Variants in MRPS27 observed in about 807,000 individuals in gnomAD.
The protein encoded by MRPS27 is small ribosomal subunit protein mS27.
In MRPS27, 43 loss-of-function variants were observed where a neutral mutation model predicts 48.9. The ratio of observed to expected loss-of-function variants is 0.88; its 90% confidence interval spans 0.69 to 1.13. The LOEUF (loss-of-function observed/expected upper bound fraction) is 1.13, where lower values mean the gene tolerates loss of function less well. Among genes scored for constraint, MRPS27 ranks in the 50% most tolerant of loss-of-function variants. The probability of loss-of-function intolerance (pLI) is 0.00; values close to 1 mark genes in which losing one functional copy is unlikely to be tolerated. For synonymous variants in MRPS27, 188 were observed against 171.9 expected, an observed-to-expected ratio of 1.09 and a Z score of -0.73; for missense variants, 467 against 476.3, an observed-to-expected ratio of 0.98 and a Z score of 0.18.
intron 9 of MRPS27, among the ~76,000 whole-genome samples, chr5:72,225,640 C>T (rs1051102243): frequency 2.2e-4 from 33 of 152,174 alleles, no homozygotes; most frequent in African/African-American, 7.5e-4. Flanking sequence ...TAAGATGGTT[C>T]CATCTCTGGT....
At chr5:72,320,076 C>T (rs567727109) in intron 1 of MRPS27, 73 bp downstream of exon 1, 2 of 1,502,738 alleles carry the variant, frequency 1.3e-6, no homozygotes, top group Admixed American at 1.7e-5. Flanking sequence ...GTTTCCTCTC[C>T]TCTTGAAAGC....
chr5:72,241,673 T>G, intron 4 of MRPS27: 1 of 1,535,546 alleles, frequency 6.5e-7, no homozygotes, highest in Non-Finnish European at 8.7e-7. Context: ...GATTGCTGGA[T>G]GAGCATTCTC....
Position 72,284,247 on chromosome 5 carries a change from T to TAA in MRPS27, c.281+11282_281+11283dup, listed in dbSNP as rs1167998721. On this transcript the variant is annotated intron_variant, in intron 4 of 10. Coordinates refer to ENST00000261413, the MANE Select transcript of MRPS27 (RefSeq NM_015084.3). ...GGGCAACATTGTGAGACCCCATCTC[T>TAA]AAAAAAAAAAAAAAAAACACCACCA... is the stretch of plus-strand genomic sequence containing the variant. Among the ~76,000 whole-genome samples, 11 of 109,728 alleles carry TAA rather than the reference T, an allele frequency of 1.0e-4. No homozygotes were observed. In the South Asian group the frequency reaches 2.4e-3, roughly 23 times the overall value. The allele number at this position is 109,728 out of a possible 152,430, so 72.0% of individuals were successfully genotyped here.
chr5:72,283,038 A>G (rs1749571210), intron 4 of MRPS27, among the ~76,000 whole-genome samples: 1 of 152,310 alleles, frequency 6.6e-6, no homozygotes, highest in African/African-American at 2.4e-5. Flanking sequence ...ATAAAATCTT[A>G]TCAGTGACAT....
intron 4 of MRPS27, chr5:72,241,443 AT>A (rs918928847): frequency 3.6e-6 from 2 of 556,846 alleles, no homozygotes; most frequent in African/African-American, 3.8e-5. Flanking sequence ...CCCCATCAGC[AT>A]TAAAAAGATA....
chr5:72,290,863 A>G (rs1037477166), intron 4 of MRPS27, among the ~76,000 whole-genome samples: 1 of 152,238 alleles, frequency 6.6e-6, no homozygotes, highest in Non-Finnish European at 1.5e-5. Flanking sequence ...TCCTGTCAGC[A>G]GCTGTTAGCT....
Position 72,262,700 on chromosome 5 carries a change from G to A in MRPS27, c.282-24572C>T, listed in dbSNP as rs574401611. ...AGAGTTCCATCTTGTAGACTGACAG[G>A]AGAATGTATACTGTGAAACTTCTTC... On this transcript the variant is annotated intron_variant, in intron 4 of 10. Coordinates refer to ENST00000261413, the MANE Select transcript of MRPS27 (RefSeq NM_015084.3). Among the ~76,000 whole-genome samples, 19 of 152,186 alleles carry A rather than the reference G, an allele frequency of 1.2e-4. No individual in the cohort carries two copies. In the South Asian group the frequency reaches 4.0e-3, roughly 32 times the overall value.
chr5:72,269,345 GC>G (rs1438376444), intron 4 of MRPS27, among the ~76,000 whole-genome samples: 1 of 152,110 alleles, frequency 6.6e-6, no homozygotes, highest in Non-Finnish European at 1.5e-5. Context: ...CCACCATCTC[GC>G]CCCCTGCTGG....
rs1749534526 is a variant in MRPS27, at chr5:72,281,596, G to GC, written c.281+13934dup. On this transcript the variant is annotated intron_variant, in intron 4 of 10. Transcript: ENST00000261413. ...ATTTGGGACAGGCCTTAAAACACAG[G>GC]CTGTATTCTGTTAGAAAGAGACAGT... 7.2e-5 allele frequency among the ~76,000 whole-genome samples: 11 copies of GC among 152,266 alleles called. No homozygotes were observed. The South Asian group carries it at 2.1e-3, about 29-fold the overall frequency.
chr5:72,287,015 TAGG>T (rs1399938822), intron 4 of MRPS27, among the ~76,000 whole-genome samples: 1 of 152,110 alleles, frequency 6.6e-6, no homozygotes, highest in Non-Finnish European at 1.5e-5. Flanking sequence ...GGCGGCACAG[TAGG>T]AGGTGAGCGG....
chr5:72,319,884 C>T, intron 1 of MRPS27: 1 of 487,448 alleles, frequency 2.1e-6, no homozygotes, highest in Non-Finnish European at 3.7e-6. Flanking sequence ...ACCACCCCAA[C>T]ACATAAATCT....
chr5:72,305,212 C>T (rs893666754), intron 2 of MRPS27, among the ~76,000 whole-genome samples: 1 of 152,056 alleles, frequency 6.6e-6, no homozygotes, highest in Non-Finnish European at 1.5e-5. Context: ...GACTAAAGAA[C>T]GGTGATGTGC....
intron 5 of MRPS27, among the ~76,000 whole-genome samples, chr5:72,235,351 AAAAC>A (rs1382553299): frequency 2.6e-5 from 4 of 152,148 alleles, no homozygotes; most frequent in Admixed American, 6.6e-5. Flanking sequence ...AGAGCTTTAA[AAAAC>A]AAACAAACAA....
intron 5 of MRPS27, among the ~76,000 whole-genome samples, chr5:72,236,608 C>T (rs1748204698): frequency 6.6e-6 from 1 of 152,182 alleles, no homozygotes. Flanking sequence ...TCTTGAGATT[C>T]AAGGCTGTCA....
intron 7 of MRPS27, among the ~76,000 whole-genome samples, chr5:72,230,703 C>T (rs898303976): frequency 2.0e-5 from 3 of 152,252 alleles, no homozygotes; most frequent in African/African-American, 4.8e-5. Context: ...GGTGAAATCT[C>T]GTGACTGTCT....
At position 72,238,044 on chromosome 5, in the gene MRPS27, T is replaced by G. The variant is rs370525451; in HGVS notation, c.366A>C (p.Gln122His). ...WIRQCLKYDA[Q>H]DKALYTLVNK... ...TTACAAGGGTATATAGGGCTTTGTC[T>G]TGTGCATCATATTTTAGACACTGCC... is the stretch of plus-strand genomic sequence containing the variant. Residue 122 changes from glutamine (Q) to histidine (H), a missense_variant, in exon 5 of 11, where the codon CAA (glutamine) becomes CAC (histidine). By Grantham distance (24) the Gln-to-His change is conservative. Transcript: ENST00000261413. The G allele has an allele frequency of 1.6e-5, 26 of 1,613,360 alleles. No homozygotes were observed. The highest frequency in any genetic ancestry group is 2.1e-5 in the Non-Finnish European group (25 of 1,179,584).
chr5:72,314,264 ATTTT>A, intron 1 of MRPS27, 106 bp from the exon 2 acceptor site: 2 of 761,542 alleles, frequency 2.6e-6, no homozygotes, highest in Non-Finnish European at 4.2e-6. Context: ...TAGATTATAT[ATTTT>A]AAATAATCTA....
intron 4 of MRPS27, among the ~76,000 whole-genome samples, chr5:72,249,043 T>C (rs1365785359): frequency 6.6e-6 from 1 of 152,228 alleles, no homozygotes; most frequent in Non-Finnish European, 1.5e-5. Flanking sequence ...TGGTAGCAAG[T>C]AGACTGTCCA....
intron 2 of MRPS27, among the ~76,000 whole-genome samples, chr5:72,312,113 T>C (rs1378244769): frequency 2.6e-5 from 4 of 152,122 alleles, no homozygotes; most frequent in Admixed American, 1.3e-4. Context: ...GCCTGGGCGA[T>C]AGATAGTACA....
Sources: allele counts gnomAD v4.1 joint callset (sites outside exome capture counted in the v4.1 genomes callset), GRCh38; gene constraint gnomAD v4.1.1; transcripts MANE v1.5; gene names NCBI Gene and HGNC (gene_info 2026-07-23, HGNC 2026-07-21).